BCAS3: variants seen among roughly 807,000 people sequenced by gnomAD.
BCAS3 encodes the protein BCAS3 microtubule associated cell migration factor.
A neutral mutation model predicts 116.1 loss-of-function variants in BCAS3; 53 were observed. The observed-to-expected ratio is 0.46, with a 90% CI of 0.37 to 0.57. The LOEUF (loss-of-function observed/expected upper bound fraction) is 0.57. Among genes scored for constraint, BCAS3 ranks in the 20% least tolerant of loss-of-function variants. BCAS3 has a pLI of 0.00. For missense variants in BCAS3, 917 were observed against 1,165.4 expected (o/e 0.79, Z 3.10); for synonymous variants, 391 against 408.2 (o/e 0.96, Z 0.51).
At chr17:60,698,883 C>A (rs188152149) in intron 4 of BCAS3, among the ~76,000 whole-genome samples, 1 of 152,084 alleles carries the variant, frequency 6.6e-6, no homozygotes, top group Non-Finnish European at 1.5e-5. Context: ...TGGTGAAACC[C>A]CATCTTTACT....
chr17:60,785,259 A>G (rs1196118203), intron 6 of BCAS3, among the ~76,000 whole-genome samples: 2 of 152,066 alleles, frequency 1.3e-5, no homozygotes, highest in Non-Finnish European at 2.9e-5. Flanking sequence ...CCCAGGGTCA[A>G]GTGATTCTTG....
chr17:61,231,589 G>A (rs186235765), intron 22 of BCAS3, among the ~76,000 whole-genome samples: 8 of 152,262 alleles, frequency 5.3e-5, no homozygotes, highest in African/African-American at 1.7e-4. Flanking sequence ...AAATGACAAG[G>A]CTGGAGACAG....
At chr17:61,322,059 G>A (rs960030381) in intron 22 of BCAS3, among the ~76,000 whole-genome samples, 5 of 151,866 alleles carry the variant, frequency 3.3e-5, no homozygotes, top group African/African-American at 7.2e-5. Flanking sequence ...TCAGCCTCCC[G>A]AGTAGCTGGG....
chr17:60,822,003 G>A (rs1410012661), intron 7 of BCAS3, among the ~76,000 whole-genome samples: 2 of 152,170 alleles, frequency 1.3e-5, no homozygotes, highest in Non-Finnish European at 2.9e-5. Context: ...GTATGATTAT[G>A]CTCTCATCTG....
Position 61,366,681 on chromosome 17 carries a change from T to C in BCAS3, c.2426-1646T>C, listed in dbSNP as rs940498892. The stretch of plus-strand genomic sequence containing the variant: ...GCAGAGGGAGCTCCCCATTCTCAAG[T>C]CCTACCTGACAAGCTGATCCCAAGC... On this transcript the variant is annotated intron_variant, in intron 22 of 23. Transcript: ENST00000407086. This position sits in a 1 kb window ranked among gnomAD's most constrained non-coding sequence, Gnocchi z 4.5. 2.6e-5 allele frequency among the ~76,000 whole-genome samples: 4 copies of C among 152,132 alleles called. No homozygotes were observed. The highest frequency in any genetic ancestry group is 9.7e-5 in the African/African-American group (4 of 41,430).
chr17:60,816,806 T>C (rs1287265286), intron 7 of BCAS3, among the ~76,000 whole-genome samples: 1 of 152,144 alleles, frequency 6.6e-6, no homozygotes, highest in Non-Finnish European at 1.5e-5. Flanking sequence ...ATGCAACATA[T>C]TGTTTTAGAA....
At chr17:61,035,399 A>G (rs965717836) in intron 17 of BCAS3, among the ~76,000 whole-genome samples, 2 of 152,114 alleles carry the variant, frequency 1.3e-5, no homozygotes, top group African/African-American at 4.8e-5. Context: ...CCTGGCCAAC[A>G]TGGTGAAACC....
intron 6 of BCAS3, among the ~76,000 whole-genome samples, chr17:60,806,235 G>C (rs2048276590): frequency 6.6e-6 from 1 of 152,060 alleles, no homozygotes; most frequent in Non-Finnish European, 1.5e-5. Flanking sequence ...AAAGGTATCT[G>C]GGAAGATAAG....
In BCAS3 at chr17:61,007,615, A is replaced by G. The variant is rs2064807271; in HGVS notation, c.1487-8136A>G. 6.6e-6 allele frequency among the ~76,000 whole-genome samples: 1 copy of G among 152,072 alleles called. No homozygotes were observed. Among genetic ancestry groups the G allele is most frequent in the African/African-American group, 2.4e-5 (1 of 41,524 alleles). On this transcript the variant is annotated intron_variant, in intron 15 of 23. Transcript: ENST00000407086. This position sits in a 1 kb window ranked among gnomAD's most constrained non-coding sequence, Gnocchi z 4.3. ...ACACTTTTAATTCTAGTGACATTTAATAAGCCCTAGGCAAAGCTCCATGCA... is the reference window on the plus strand; with the variant it reads ...ACACTTTTAATTCTAGTGACATTTAGTAAGCCCTAGGCAAAGCTCCATGCA...
chr17:60,844,629 G>A (rs772887399), intron 7 of BCAS3, among the ~76,000 whole-genome samples: 1 of 152,110 alleles, frequency 6.6e-6, no homozygotes, highest in Non-Finnish European at 1.5e-5. Flanking sequence ...TCTAACTAAG[G>A]GGGAGGGCCC....
chr17:60,972,032 A>G (rs919163002), intron 14 of BCAS3, among the ~76,000 whole-genome samples: 2 of 152,052 alleles, frequency 1.3e-5, no homozygotes, highest in African/African-American at 4.8e-5. Flanking sequence ...TAAACATTTT[A>G]CTCTTGGAAT....
Position 61,098,088 on chromosome 17 carries a change from A to G in BCAS3, c.2425+13524A>G, listed in dbSNP as rs944497269. On this transcript the variant is annotated intron_variant, in intron 22 of 23. Transcript: ENST00000407086. This position sits in a 1 kb window ranked among gnomAD's most constrained non-coding sequence, Gnocchi z 4.2. Reference sequence around the variant, plus strand: ...GCATTGATATGACTGAAAATTCTTAATGTCACAGATCCTTAAAAGCTGTCT... The same window carrying G: ...GCATTGATATGACTGAAAATTCTTAGTGTCACAGATCCTTAAAAGCTGTCT... Among the ~76,000 whole-genome samples the G allele has an allele frequency of 2.0e-5, 3 of 152,182 alleles. No individual in the cohort carries two copies. The highest frequency in any genetic ancestry group is 7.2e-5 in the African/African-American group (3 of 41,446).
chr17:61,132,204 CCTT>C lies in BCAS3; in HGVS notation c.2425+47647_2425+47649del, dbSNP rs1168118668. On this transcript the variant is annotated intron_variant, in intron 22 of 23. Transcript: ENST00000407086. The surrounding 1 kb of genome is among the most constrained non-coding windows in gnomAD (Gnocchi z 5.1). Reference sequence around the variant, plus strand: ...ATGTTAGGTACCTATAATTACCTTCCCTTCTTCTTATTTTTACAAGACAGAATG... The same window carrying C: ...ATGTTAGGTACCTATAATTACCTTCCCTTCTTATTTTTACAAGACAGAATG... Among the ~76,000 whole-genome samples the C allele has an allele frequency of 2.6e-5, 4 of 152,052 alleles. No homozygotes were observed. The highest frequency in any genetic ancestry group is 5.9e-5 in the Non-Finnish European group (4 of 67,992).
chr17:60,978,246 T>C (rs2062553390), intron 14 of BCAS3, among the ~76,000 whole-genome samples: 1 of 134,054 alleles, frequency 7.5e-6, no homozygotes, highest in African/African-American at 3.6e-5. Context: ...ATTTCTCTGA[T>C]GGCCAGTGAT....
At chr17:60,997,136 C>T (rs537389730) in intron 15 of BCAS3, among the ~76,000 whole-genome samples, 82 of 152,238 alleles carry the variant, frequency 5.4e-4, no homozygotes, top group African/African-American at 1.9e-3. Context: ...ACAACAGGGT[C>T]TGTGCTCTGA....
intron 6 of BCAS3, among the ~76,000 whole-genome samples, chr17:60,757,954 G>T (rs6503988): frequency 0.73 from 110,308 of 151,952 alleles, 45,738 homozygotes; most frequent in South Asian, 0.98. Context: ...GAGAGATAGG[G>T]GTTCAGTTTC....
intron 22 of BCAS3, among the ~76,000 whole-genome samples, chr17:61,178,056 G>T (rs2079249396): frequency 6.6e-6 from 1 of 152,024 alleles, no homozygotes; most frequent in Non-Finnish European, 1.5e-5. Flanking sequence ...TTGGTGTTTT[G>T]CTTCAGACTC....
chr17:60,805,476 A>C (rs1025166671), intron 6 of BCAS3, among the ~76,000 whole-genome samples: 5 of 152,194 alleles, frequency 3.3e-5, no homozygotes, highest in African/African-American at 9.7e-5. Context: ...AAAGCATACA[A>C]ATTTTTATTT....
Position 60,786,968 on chromosome 17 carries a change from G to C in BCAS3, c.404-21036G>C, listed in dbSNP as rs528394407. On this transcript the variant is annotated intron_variant, in intron 6 of 23. Transcript: ENST00000407086. ...AGCCTTCATAAAGGTAGAAAGCATA[G>C]GATAATAAACACCTACATATCCTTC... 2.1e-4 allele frequency among the ~76,000 whole-genome samples: 32 copies of C among 152,080 alleles called. No homozygotes were observed. The South Asian group carries it at 6.7e-3, about 32-fold the overall frequency.
Sources: gnomAD v4.1 joint callset for allele counts (sites outside exome capture counted in the v4.1 genomes callset) on GRCh38, gnomAD v4.1.1 for gene constraint, Gnocchi (gnomAD v3.1) non-coding constraint, MANE v1.5 for transcripts, NCBI Gene and HGNC (gene_info 2026-07-23, HGNC 2026-07-21) for gene names.